Variants in TMEM51 observed in about 807,000 individuals in gnomAD.
TMEM51 encodes the protein transmembrane protein 51.
TMEM51 carries 8 observed loss-of-function variants against 13.6 expected under a neutral mutation model. That is an observed-to-expected ratio of 0.59 (90% CI 0.35 to 1.07). The LOEUF (loss-of-function observed/expected upper bound fraction) is 1.07. Among genes scored for constraint, TMEM51 ranks in the 50% least tolerant of loss-of-function variants. TMEM51 has a pLI of 0.02. For synonymous variants in TMEM51, 147 were observed against 144.4 expected (o/e 1.02, Z -0.13); for missense variants, 279 against 330.7 (o/e 0.84, Z 1.21).
At chr1:15,183,481 G>A (rs1438525446) in intron 1 of TMEM51, among the ~76,000 whole-genome samples, 6 of 152,156 alleles carry the variant, frequency 3.9e-5, no homozygotes, top group African/African-American at 9.7e-5. Flanking sequence ...GGAGATTATC[G>A]TACATGGTAT....
At chr1:15,180,770 A>G (rs914971651) in intron 1 of TMEM51, among the ~76,000 whole-genome samples, 1 of 152,176 alleles carries the variant, frequency 6.6e-6, no homozygotes, top group Non-Finnish European at 1.5e-5. Flanking sequence ...AATGCTGGCT[A>G]TTATTATCTA....
chr1:15,162,033 A>T (rs1304443615), intron 1 of TMEM51, among the ~76,000 whole-genome samples: 1 of 144,084 alleles, frequency 6.9e-6, no homozygotes, highest in East Asian at 2.1e-4. Flanking sequence ...TCATGTGGTG[A>T]GAGAGAAGAG....
intron 1 of TMEM51, among the ~76,000 whole-genome samples, chr1:15,177,470 A>T (rs1176863262): frequency 6.6e-6 from 1 of 152,132 alleles, no homozygotes; most frequent in Non-Finnish European, 1.5e-5. Context: ...GGAGTGGAAG[A>T]TGCTGCAGCA....
intron 3 of TMEM51, among the ~76,000 whole-genome samples, chr1:15,218,286 ATTC>A (rs1417132117): frequency 1.3e-5 from 2 of 152,238 alleles, no homozygotes; most frequent in Non-Finnish European, 2.9e-5. Flanking sequence ...TATTTCAGAT[ATTC>A]TTTCTCTACT....
Position 15,196,548 on chromosome 1 carries a change from CTTTCTATG to C in TMEM51, c.-266-13937_-266-13930del, listed in dbSNP as rs372857423. Among the ~76,000 whole-genome samples the C allele has an allele frequency of 6.7e-3, 1,027 of 152,274 alleles. 6 individuals are homozygous for C. The highest frequency in any genetic ancestry group is 0.023 in the African/African-American group (972 of 41,554). ...CAGCACACACAGCAAGAGACAGGGT[CTTTCTATG>C]TTTCCTGGGCTGGTCTCAAACTCCT... On this transcript the variant is annotated intron_variant, in intron 1 of 3. Transcript: ENST00000376008.
In TMEM51 at chr1:15,200,407, CAAA is replaced by C. The variant is rs55755539; in HGVS notation, c.-266-10060_-266-10058del. 6.6e-3 allele frequency among the ~76,000 whole-genome samples: 447 copies of C among 67,930 alleles called. 5 individuals are homozygous for C. Among genetic ancestry groups the C allele is most frequent in the African/African-American group, 0.023 (400 of 17,488 alleles). The allele number at this position is 67,930 out of a possible 152,430, so 44.6% of individuals were successfully genotyped here. On this transcript the variant is annotated intron_variant, in intron 1 of 3. Transcript: ENST00000376008. ...TGGGCAACAGAGCGAGACTCTGTCT[CAAA>C]AAAAAAAAAAAAAAAAAAAAAAGAG...
chr1:15,160,568 C>A (rs1642742971), intron 1 of TMEM51, among the ~76,000 whole-genome samples: 1 of 152,048 alleles, frequency 6.6e-6, no homozygotes, highest in South Asian at 2.1e-4. Flanking sequence ...GCCACCACAC[C>A]CAGCAAGAAC....
rs1644277683 is a variant in TMEM51, at chr1:15,207,839, C to T, written c.-266-2651C>T. The stretch of plus-strand genomic sequence containing the variant: ...TCACATTTATTCTGCATATTTTCCT[C>T]ATGTTGCCGGCAAATTATTTGCATA... On this transcript the variant is annotated intron_variant, in intron 1 of 3. Transcript: ENST00000376008. The surrounding 1 kb of genome is among the most constrained non-coding windows in gnomAD (Gnocchi z 4.6). 6.6e-6 allele frequency among the ~76,000 whole-genome samples: 1 copy of T among 152,230 alleles called. No homozygotes were observed. The highest frequency in any genetic ancestry group is 2.4e-5 in the African/African-American group (1 of 41,456).
At chr1:15,172,553 G>T (rs1643320755) in intron 1 of TMEM51, among the ~76,000 whole-genome samples, 1 of 152,124 alleles carries the variant, frequency 6.6e-6, no homozygotes, top group South Asian at 2.1e-4. Flanking sequence ...GAACTCTGGG[G>T]CTAGACAGCC....
Position 15,183,359 on chromosome 1 carries a change from T to A in TMEM51, c.-266-27131T>A, listed in dbSNP as rs559948906. ...GGCAGTATCGTGCAGAGGTAAAAGG[T>A]ACAGTGATGGGAGCAAGATCACTCC... On this transcript the variant is annotated intron_variant, in intron 1 of 3. Coordinates refer to ENST00000376008, the MANE Select transcript of TMEM51 (RefSeq NM_001136218.2). 3.3e-5 allele frequency among the ~76,000 whole-genome samples: 5 copies of A among 152,248 alleles called. No homozygotes were observed. In the East Asian group the frequency reaches 9.6e-4, roughly 29 times the overall value.
chr1:15,216,138 G>A lies in TMEM51; in HGVS notation c.344+707G>A, dbSNP rs939298276. Among the ~76,000 whole-genome samples the A allele has an allele frequency of 3.3e-5, 5 of 152,186 alleles. No homozygotes were observed. The East Asian group carries it at 9.6e-4, about 29-fold the overall frequency. ...GCATTTTGACCCGCCCAGGGTCACTGAACAGGGCCTGGGGTGGCCAGCATA... is the reference window on the plus strand; with the variant it reads ...GCATTTTGACCCGCCCAGGGTCACTAAACAGGGCCTGGGGTGGCCAGCATA... On this transcript the variant is annotated intron_variant, in intron 3 of 3. Coordinates refer to ENST00000376008, the MANE Select transcript of TMEM51 (RefSeq NM_001136218.2).
In TMEM51 at chr1:15,219,738, G is replaced by A. The variant is rs145021168; in HGVS notation, c.757G>A (p.Asp253Asn). Residue 253 changes from aspartate (D) to asparagine (N), a missense_variant, in exon 4 of 4, where the codon GAC (aspartate) becomes AAC (asparagine). Coordinates refer to ENST00000376008, the MANE Select transcript of TMEM51 (RefSeq NM_001136218.2). ...GAAGGCCCCCGACACCCGGCCGCCC[G>A]ACTGAATGGCCCCACTTGAGCCACG... ...QEKAPDTRPP[D>N] 3.4e-4 allele frequency: 546 copies of A among 1,612,348 alleles called. No homozygotes were observed. The highest frequency in any genetic ancestry group is 5.0e-4 in the Admixed American group (30 of 59,900).
At chr1:15,162,364 T>C (rs553623020) in intron 1 of TMEM51, among the ~76,000 whole-genome samples, 38 of 152,082 alleles carry the variant, frequency 2.5e-4, no homozygotes, top group African/African-American at 8.7e-4. Flanking sequence ...GGTTTCACCA[T>C]GTTGGCCAAG....
intron 1 of TMEM51, among the ~76,000 whole-genome samples, chr1:15,194,246 T>G (rs1644000112): frequency 6.6e-6 from 1 of 152,260 alleles, no homozygotes. Flanking sequence ...AAATTAATTT[T>G]AATAATATAT....
chr1:15,205,545 G>A (rs1644234652), intron 1 of TMEM51, among the ~76,000 whole-genome samples: 3 of 152,094 alleles, frequency 2.0e-5, no homozygotes, highest in Admixed American at 6.6e-5. Context: ...CATTCTTTTT[G>A]GAAGCTCTTC....
chr1:15,157,860 G>A (rs949015884), intron 1 of TMEM51, among the ~76,000 whole-genome samples: 1 of 152,204 alleles, frequency 6.6e-6, no homozygotes, highest in Non-Finnish European at 1.5e-5. Context: ...TTGTAAAAAC[G>A]AGCAGATGAC....
intron 1 of TMEM51, among the ~76,000 whole-genome samples, chr1:15,196,320 C>G (rs547350161): frequency 6.6e-6 from 1 of 152,270 alleles, no homozygotes; most frequent in East Asian, 1.9e-4. Flanking sequence ...CTCGATAGTG[C>G]TGTGATGGGA....
chr1:15,187,407 G>C (rs1198347106), intron 1 of TMEM51, among the ~76,000 whole-genome samples: 2 of 152,196 alleles, frequency 1.3e-5, no homozygotes, highest in East Asian at 3.9e-4. Flanking sequence ...TCTCACTGCG[G>C]CTTCTTCTCT....
chr1:15,156,817 T>C (rs1252611483), intron 1 of TMEM51, among the ~76,000 whole-genome samples: 5 of 152,152 alleles, frequency 3.3e-5, no homozygotes, highest in Non-Finnish European at 7.4e-5. Flanking sequence ...AACCCAGCCC[T>C]CCTGACTCCC....
Sources: allele counts gnomAD v4.1 joint callset (sites outside exome capture counted in the v4.1 genomes callset), GRCh38; gene constraint gnomAD v4.1.1; non-coding constraint Gnocchi (gnomAD v3.1); transcripts MANE v1.5; gene names NCBI Gene and HGNC (gene_info 2026-07-23, HGNC 2026-07-21).